Variants in APOB observed in about 807,000 individuals in gnomAD.
APOB encodes the protein apolipoprotein B-100.
APOB carries 153 observed loss-of-function variants against 314.1 expected under a neutral mutation model. The observed-to-expected ratio is 0.49, with a 90% CI of 0.43 to 0.56. APOB has a LOEUF of 0.56. APOB is among the 20% of genes least tolerant of loss of function. The probability of loss-of-function intolerance (pLI) is 0.00; values close to 1 mark genes in which losing one functional copy is unlikely to be tolerated. For missense variants in APOB, 5,430 were observed against 5,350.7 expected (o/e 1.01, Z -0.46); for synonymous variants, 2,087 against 2,036.4 (o/e 1.02, Z -0.67).
chr2:21,002,462 C>T lies in APOB; in HGVS notation c.12960G>A (p.Met4320Ile). The T allele has an allele frequency of 6.2e-7, 1 of 1,606,728 alleles. No individual in the cohort carries two copies. Among genetic ancestry groups the T allele is most frequent in the Non-Finnish European group, 8.5e-7 (1 of 1,175,254 alleles). The change falls in exon 29 of 29, where the codon ATG (methionine) becomes ATA (isoleucine). Residue 4320 changes from methionine (M) to isoleucine (I), a missense_variant. This residue lies in a region of APOB where 3,281 missense variants were observed against 3,171.0 expected (regional missense o/e 1.03). Transcript: ENST00000233242. Reference protein sequence around the residue: ...IEDNIKQLKEMKFTYLINYIQ... With the variant: ...IEDNIKQLKEIKFTYLINYIQ... Reference sequence around the variant, plus strand: ...TATAATTAATAAGATAAGTAAATTTCATCTCTTTCAGCTGTTTAATGTTAT... The same window carrying T: ...TATAATTAATAAGATAAGTAAATTTTATCTCTTTCAGCTGTTTAATGTTAT...
rs777506476 is a variant in APOB at position 21,015,035 on chromosome 2, A to G, written c.3696+38T>C. 3.2e-6 allele frequency: 5 copies of G among 1,584,272 alleles called. No individual in the cohort carries two copies. The African/African-American group carries it at 5.4e-5, about 17-fold the overall frequency. On this transcript the variant is annotated intron_variant, in intron 23 of 28. Coordinates refer to ENST00000233242, the MANE Select transcript of APOB (RefSeq NM_000384.3). ...AGAGTTGAGGATGTAATTAGCACTT[A>G]TATCCATGTATTTATTGACTGGCAG...
chr2:21,016,992 AAT>A (rs1441662346), intron 20 of APOB, among the ~76,000 whole-genome samples: 2 of 125,162 alleles, frequency 1.6e-5, no homozygotes, highest in African/African-American at 6.5e-5. Context: ...TCAAAAAATA[AAT>A]AAATAAATAA....
In APOB at chr2:21,028,379, C is replaced by T. The variant is rs781228974; in HGVS notation, c.1777G>A (p.Val593Met). 1.9e-6 allele frequency: 3 copies of T among 1,614,178 alleles called. No homozygotes were observed. The change falls in exon 13 of 29, where the codon GTG becomes ATG. Residue 593 changes from valine to methionine, a missense_variant. Val to Met is a conservative substitution (Grantham distance 21). Around this residue, in one of 3 missense-constraint regions of APOB, gnomAD observed 2,085 missense variants for 2,079.7 expected, o/e 1.00. Coordinates refer to ENST00000233242, the MANE Select transcript of APOB (RefSeq NM_000384.3). ...WEQNEQVKNF[V>M]ASHIANILNS... ...AAGATATTGGCAATATGGGAAGCCA[C>T]AAAGTTCTTCACTTGCTCATTCTGT...
intron 19 of APOB, 89 bp from the exon 20 acceptor site, chr2:21,019,202 A>C (rs1168249328): frequency 1.3e-6 from 2 of 1,511,440 alleles, no homozygotes; most frequent in Non-Finnish European, 9.2e-7. Context: ...CTCAAATGCA[A>C]CAAAAATATG....
In APOB at chr2:21,012,708, C is replaced by G. The variant is rs1053206374; in HGVS notation, c.4217-57G>C. The G allele has an allele frequency of 3.2e-6, 5 of 1,571,794 alleles. No individual in the cohort carries two copies. The East Asian group carries it at 6.7e-5, about 21-fold the overall frequency. On this transcript the variant is annotated intron_variant, in intron 25 of 28. Coordinates refer to ENST00000233242, the MANE Select transcript of APOB (RefSeq NM_000384.3). ...TTAAGCAGTACATTTCCAGAGCAAT[C>G]TCTATGTTGAAAGTCTTTCAATAAT...
chr2:21,007,484 A>T lies in APOB; in HGVS notation c.9384T>A (p.Ile3128=). ...NGEANLDFLN[I]PLTIPEMRLP... is the part of the protein sequence containing the mutation. Reference sequence around the variant, plus strand: ...GACGCATTTCAGGAATTGTTAAAGGAATGTTTAAGAAATCCAGATTTGCTT... The same window carrying T: ...GACGCATTTCAGGAATTGTTAAAGGTATGTTTAAGAAATCCAGATTTGCTT... Residue 3128 remains isoleucine, a synonymous_variant, in exon 26 of 29, where the codon ATT becomes ATA. Coordinates refer to ENST00000233242, the MANE Select transcript of APOB (RefSeq NM_000384.3). 3.1e-6 allele frequency: 5 copies of T among 1,614,098 alleles called. No individual in the cohort carries two copies. The highest frequency in any genetic ancestry group is 4.2e-6 in the Non-Finnish European group (5 of 1,179,966).
At chr2:21,016,296 A>G (rs1487704242) in intron 21 of APOB, 143 bp downstream of exon 21, 12 of 618,758 alleles carry the variant, frequency 1.9e-5, no homozygotes, top group African/African-American at 3.7e-5. Flanking sequence ...CAAAAAAAAA[A>G]AAAATTGTTG....
intron 5 of APOB, 72 bp downstream of exon 5, chr2:21,037,886 A>T: frequency 2.6e-6 from 4 of 1,566,976 alleles, no homozygotes; most frequent in Non-Finnish European, 2.6e-6. Flanking sequence ...TGCTTTGTAT[A>T]TGGTAGGACT....
chr2:21,008,186 G>C lies in APOB; in HGVS notation c.8682C>G (p.Asn2894Lys), dbSNP rs1463473856. The C allele has an allele frequency of 6.8e-6, 11 of 1,614,076 alleles. No homozygotes were observed. Among genetic ancestry groups the C allele is most frequent in the Middle Eastern group, 3.3e-4 (2 of 6,060 alleles). Residue 2894 changes from asparagine (N) to lysine (K), a missense_variant, in exon 26 of 29, where the codon AAC becomes AAG. Coordinates refer to ENST00000233242, the MANE Select transcript of APOB (RefSeq NM_000384.3). ...DSNTKYFHKLNIPKLDFSSQA... is the reference protein window; with the variant it reads ...DSNTKYFHKLKIPKLDFSSQA... Reference sequence around the variant, plus strand: ...GACTAGAGAAGTCCAGTTTGGGGATGTTCAATTTGTGGAAGTATTTAGTGT... The same window carrying C: ...GACTAGAGAAGTCCAGTTTGGGGATCTTCAATTTGTGGAAGTATTTAGTGT...
At chr2:21,030,077 A>G (rs770322268) in intron 10 of APOB, 62 bp from the exon 11 acceptor site, 51 of 995,030 alleles carry the variant, frequency 5.1e-5, no homozygotes, top group Admixed American at 8.8e-5. Flanking sequence ...CTTAAAACCC[A>G]AACTTGTGAA....
At chr2:21,033,616 GA>G in intron 8 of APOB, 98 bp from the exon 9 acceptor site, 2 of 1,022,938 alleles carry the variant, frequency 2.0e-6, no homozygotes, top group South Asian at 1.3e-5. Context: ...CAGCACAGGG[GA>G]AAAGGGAAAG....
intron 15 of APOB, among the ~76,000 whole-genome samples, chr2:21,025,661 G>A (rs538135350): frequency 6.6e-6 from 1 of 152,272 alleles, no homozygotes; most frequent in Admixed American, 6.5e-5. Flanking sequence ...AAAGATCCTC[G>A]GCCTCAAGTG....
intron 14 of APOB, among the ~76,000 whole-genome samples, chr2:21,027,427 C>T (rs933554812): frequency 1.3e-5 from 2 of 151,562 alleles, no homozygotes; most frequent in Non-Finnish European, 2.9e-5. Context: ...CATTCTCCTG[C>T]CTCATCCTCC....
In APOB at chr2:21,028,012, A is replaced by C. The variant is rs372723655; in HGVS notation, c.1883T>G (p.Met628Arg). ...GTTCCGAGAGAATTTTCTGAAGTCC[A>C]TGACAGTTGGAAGTTGAGATTCTTT... ...ALKESQLPTV[M>R]DFRKFSRNYQ... The change falls in exon 14 of 29, where the codon ATG (methionine) becomes AGG (arginine). Residue 628 changes from methionine (M) to arginine (R), a missense_variant. Transcript: ENST00000233242. 3.1e-6 allele frequency: 5 copies of C among 1,614,120 alleles called. No homozygotes were observed. Among genetic ancestry groups the C allele is most frequent in the South Asian group, 1.1e-5 (1 of 91,088 alleles).
rs760189378 is a variant in APOB, at chr2:21,005,581, G to A, written c.11287C>T (p.Leu3763Phe). The change falls in exon 26 of 29, where the codon CTT (leucine) becomes TTT (phenylalanine). Residue 3763 changes from leucine to phenylalanine, a missense_variant. Around this residue, in one of 3 missense-constraint regions of APOB, gnomAD observed 3,281 missense variants for 3,171.0 expected, o/e 1.03. Coordinates refer to ENST00000233242, the MANE Select transcript of APOB (RefSeq NM_000384.3). ...TAGATTTGTATTTCTCTGAAGTCAA[G>A]TTTGCACGATGGAACCTGAAGATCT... is the stretch of plus-strand genomic sequence containing the variant. ...FTDLQVPSCKLDFREIQIYKK... is the reference protein window; with the variant it reads ...FTDLQVPSCKFDFREIQIYKK... The A allele has an allele frequency of 6.2e-7, 1 of 1,613,952 alleles. No homozygotes were observed. The highest frequency in any genetic ancestry group is 1.3e-5 in the African/African-American group (1 of 74,898).
At position 21,010,253 on chromosome 2, in the gene APOB, G is replaced by A; in HGVS notation, c.6615C>T (p.Ile2205=). The change falls in exon 26 of 29, where the codon ATC becomes ATT. Residue 2205 remains isoleucine, a synonymous_variant. Transcript: ENST00000233242. ...CATCAAGACTTTTTAATTTTTCAAT[G>A]ATTTCATCAATAATATTAGCAATAG... ...KIAIANIIDE[I]IEKLKSLDEH... 1 of 1,555,994 alleles carries A rather than the reference G, an allele frequency of 6.4e-7. No individual in the cohort carries two copies.
rs1553384689 is a variant in APOB, at chr2:21,016,995, A to AT, written c.3122-347_3122-346insA. On this transcript the variant is annotated intron_variant, in intron 20 of 28. Coordinates refer to ENST00000233242, the MANE Select transcript of APOB (RefSeq NM_000384.3). Reference sequence around the variant, plus strand: ...CGAGACTCCATCTCAAAAAATAAATAAATAAATAAATAAATAAATAAACAA... The same window carrying AT: ...CGAGACTCCATCTCAAAAAATAAATATAATAAATAAATAAATAAATAAACAA... Among the ~76,000 whole-genome samples the AT allele has an allele frequency of 2.0e-3, 272 of 135,960 alleles. 4 individuals are homozygous for AT. Among genetic ancestry groups the AT allele is most frequent in the African/African-American group, 7.1e-3 (264 of 36,964 alleles). The allele number at this position is 135,960 out of a possible 152,430, so 89.2% of individuals were successfully genotyped here. A position where few individuals can be genotyped will look rare whatever the true frequency, so the allele number is the denominator to read the frequency against.
chr2:21,002,611 C>T lies in APOB; in HGVS notation c.12811G>A (p.Glu4271Lys). Reference protein sequence around the residue: ...KLIDVISMYRELLKDLSKEAQ... With the variant: ...KLIDVISMYRKLLKDLSKEAQ... ...TCTTTTGATAAATCTTTCAACAGTT[C>T]CCTATACATCGAGATTACATCTATT... The change falls in exon 29 of 29, where the codon GAA becomes AAA. Residue 4271 changes from glutamate (E) to lysine (K), a missense_variant. Coordinates refer to ENST00000233242, the MANE Select transcript of APOB (RefSeq NM_000384.3). 6.2e-7 allele frequency: 1 copy of T among 1,613,996 alleles called. No individual in the cohort carries two copies. Among genetic ancestry groups the T allele is most frequent in the Non-Finnish European group, 8.5e-7 (1 of 1,179,956 alleles).
chr2:21,034,943 C>T (rs1348817097), intron 7 of APOB, 42 bp from the exon 8 acceptor site: 2 of 965,798 alleles, frequency 2.1e-6, no homozygotes, highest in Non-Finnish European at 3.4e-6. Flanking sequence ...ATGGCCAGAA[C>T]ATACTATTCT....
Sources: allele counts gnomAD v4.1 joint callset (sites outside exome capture counted in the v4.1 genomes callset), GRCh38; gene constraint gnomAD v4.1.1; regional missense constraint gnomAD v4.1.1; transcripts MANE v1.5; gene names NCBI Gene and HGNC (gene_info 2026-07-23, HGNC 2026-07-21).